Variants in TAF4 observed in about 807,000 individuals in gnomAD.
TAF4 encodes TATA-box binding protein associated factor 4.
In TAF4, 9 loss-of-function variants were observed where a neutral mutation model predicts 90.3. That is an observed-to-expected ratio of 0.10 (90% confidence interval 0.06 to 0.17). The LOEUF is 0.17. Ranked by LOEUF, TAF4 falls within the 10% of genes least tolerant of loss-of-function variation. The pLI is 1.00. For synonymous variants in TAF4, 818 were observed against 638.9 expected, an observed-to-expected ratio of 1.28 and a Z score of -4.23; for missense variants, 1,351 against 1,370.7, an observed-to-expected ratio of 0.99 and a Z score of 0.23.
intron 1 of TAF4, among the ~76,000 whole-genome samples, chr20:62,021,512 G>A (rs557610048): frequency 6.6e-6 from 1 of 152,376 alleles, no homozygotes; most frequent in Admixed American, 6.5e-5. Flanking sequence ...CAAACAGCGT[G>A]TTCACAGCCA....
intron 14 of TAF4, among the ~76,000 whole-genome samples, chr20:61,976,791 GACTGGGC>G (rs951158222): frequency 2.0e-5 from 3 of 152,230 alleles, no homozygotes; most frequent in African/African-American, 7.2e-5. Context: ...GGTTGGCTGG[GACTGGGC>G]ATGCTGGGTC....
chr20:61,994,389 T>A (rs971713165), intron 14 of TAF4, among the ~76,000 whole-genome samples: 4 of 152,254 alleles, frequency 2.6e-5, no homozygotes, highest in Non-Finnish European at 5.9e-5. Context: ...ACTTACTTAC[T>A]TATTTCTGGC....
intron 14 of TAF4, chr20:61,979,056 T>A (rs1366944462): frequency 1.3e-5 from 2 of 153,224 alleles, no homozygotes; most frequent in Non-Finnish European, 2.9e-5. Flanking sequence ...CTTGCAGAAT[T>A]CTATGTGGAT....
At chr20:61,998,657 G>C (rs2055678643) in intron 12 of TAF4, among the ~76,000 whole-genome samples, 1 of 152,186 alleles carries the variant, frequency 6.6e-6, no homozygotes, top group African/African-American at 2.4e-5. Flanking sequence ...GGCTGTGAAT[G>C]TTCTAGAACA....
At chr20:61,996,716 T>C (rs1474898341) in intron 14 of TAF4, among the ~76,000 whole-genome samples, 1 of 151,734 alleles carries the variant, frequency 6.6e-6, no homozygotes, top group African/African-American at 2.4e-5. Context: ...GGAGAACTGC[T>C]TGAACCTGGC....
intron 1 of TAF4, among the ~76,000 whole-genome samples, chr20:62,019,989 C>G (rs559161226): frequency 1.2e-4 from 18 of 152,310 alleles, no homozygotes; most frequent in African/African-American, 4.3e-4. Context: ...CCGCCCTGGC[C>G]TCCTGAGGCC....
At chr20:62,056,716 C>A (rs942163476) in intron 1 of TAF4, among the ~76,000 whole-genome samples, 10 of 152,050 alleles carry the variant, frequency 6.6e-5, no homozygotes, top group Non-Finnish European at 5.9e-5. Context: ...AGTGAGACAC[C>A]CCGAAATTTT....
intron 14 of TAF4, among the ~76,000 whole-genome samples, chr20:61,994,923 C>T (rs995742514): frequency 1.3e-5 from 2 of 152,164 alleles, no homozygotes; most frequent in Non-Finnish European, 2.9e-5. Context: ...GGATCACACC[C>T]TAGAGTAAGA....
chr20:62,023,747 C>CAAAAA (rs59813943), intron 1 of TAF4, among the ~76,000 whole-genome samples: 36 of 59,536 alleles, frequency 6.0e-4, no homozygotes, highest in African/African-American at 6.9e-4. Flanking sequence ...GACTCCATCT[C>CAAAAA]AAAAAAAAAA....
intron 1 of TAF4, among the ~76,000 whole-genome samples, chr20:62,022,277 G>T (rs533623133): frequency 6.6e-6 from 1 of 152,280 alleles, no homozygotes; most frequent in South Asian, 2.1e-4. Flanking sequence ...ATGGAGAGGT[G>T]GGAAGGGTCA....
intron 1 of TAF4, among the ~76,000 whole-genome samples, chr20:62,055,921 G>A (rs983941046): frequency 6.6e-6 from 1 of 152,196 alleles, no homozygotes; most frequent in Non-Finnish European, 1.5e-5. Flanking sequence ...CTTCCCCCGT[G>A]GCCCAGTACA....
At chr20:61,998,327 T>A in intron 12 of TAF4, 135 bp from the exon 13 acceptor site, 1 of 890,852 alleles carries the variant, frequency 1.1e-6, no homozygotes, top group Non-Finnish European at 1.6e-6. Context: ...TGTGAAATGC[T>A]TATAGCCAAA....
chr20:61,979,052 G>A (rs1295941147), intron 14 of TAF4: 2 of 153,304 alleles, frequency 1.3e-5, no homozygotes, highest in African/African-American at 4.8e-5. Context: ...TTTGCTTGCA[G>A]AATTCTATGT....
chr20:62,032,119 C>T (rs760918056), intron 1 of TAF4, among the ~76,000 whole-genome samples: 7 of 152,330 alleles, frequency 4.6e-5, no homozygotes, highest in East Asian at 3.9e-4. Context: ...TATTTGGATA[C>T]GTTTGATCTG....
rs372279104 is a variant in TAF4 at position 62,039,822 on chromosome 20, A to C, written c.1360+24629T>G. On this transcript the variant is annotated intron_variant, in intron 1 of 14. Transcript: ENST00000252996. ...AATGACAAAACTAACAACCCAATTT[A>C]AAACACACAGACAAAAGATTTGAAA... Among the ~76,000 whole-genome samples the C allele has an allele frequency of 9.4e-5, 13 of 137,956 alleles. No individual in the cohort carries two copies. In the East Asian group the frequency reaches 1.8e-3, roughly 19 times the overall value. The allele number at this position is 137,956 out of a possible 152,430, so 90.5% of individuals were successfully genotyped here. A position where few individuals can be genotyped will look rare whatever the true frequency, so the allele number is the denominator to read the frequency against.
chr20:62,021,543 C>A (rs982414470), intron 1 of TAF4, among the ~76,000 whole-genome samples: 1 of 152,244 alleles, frequency 6.6e-6, no homozygotes, highest in African/African-American at 2.4e-5. Context: ...GCGCCCAACG[C>A]GGAGTCGGCC....
At chr20:62,026,839 C>T (rs868147219) in intron 1 of TAF4, among the ~76,000 whole-genome samples, 26 of 152,322 alleles carry the variant, frequency 1.7e-4, no homozygotes, top group South Asian at 4.1e-4. Context: ...ATCCTTATTC[C>T]TTAGGTGGTC....
chr20:62,042,602 TCTGCACGCTCCC>T (rs762303410), intron 1 of TAF4, among the ~76,000 whole-genome samples: 20 of 151,926 alleles, frequency 1.3e-4, no homozygotes, highest in East Asian at 3.9e-4. Context: ...CACCTGCCCG[TCTGCACGCTCCC>T]CTGCACGCTC....
At chr20:62,038,600 G>A (rs1239536601) in intron 1 of TAF4, among the ~76,000 whole-genome samples, 1 of 152,146 alleles carries the variant, frequency 6.6e-6, no homozygotes, top group African/African-American at 2.4e-5. Context: ...GTATGTTCAG[G>A]ATACAAACAC....
Sources: gnomAD v4.1 joint callset for allele counts (sites outside exome capture counted in the v4.1 genomes callset) on GRCh38, gnomAD v4.1.1 for gene constraint, MANE v1.5 for transcripts, NCBI Gene and HGNC (gene_info 2026-07-23, HGNC 2026-07-21) for gene names.